Variants in MDGA2 observed in about 807,000 individuals in gnomAD.
The protein encoded by MDGA2 is MAM domain containing glycosylphosphatidylinositol anchor 2, also known as MAM domain-containing glycosylphosphatidylinositol anchor protein 2.
In MDGA2, 40 loss-of-function variants were observed where a neutral mutation model predicts 117.8. That is an observed-to-expected ratio of 0.34 (90% CI 0.26 to 0.44). The LOEUF is 0.44. MDGA2 is among the 20% of genes least tolerant of loss of function. The pLI is 1.00. For missense variants in MDGA2, 1,123 were observed against 1,250.6 expected, an observed-to-expected ratio of 0.90 and a Z score of 1.54; for synonymous variants, 452 against 439.0, an observed-to-expected ratio of 1.03 and a Z score of -0.37.
chr14:46,899,647 T>G (rs1307949999), intron 10 of MDGA2, among the ~76,000 whole-genome samples: 1 of 151,844 alleles, frequency 6.6e-6, no homozygotes, highest in East Asian at 1.9e-4. Context: ...TAATGTTAAA[T>G]TTTTAACCGA....
In MDGA2 at chr14:47,180,919, TCAAAA is replaced by T. The variant is rs1884676170; in HGVS notation, c.596-36650_596-36646del. Among the ~76,000 whole-genome samples the T allele has an allele frequency of 2.0e-5, 3 of 152,106 alleles. No individual in the cohort carries two copies. The South Asian group carries it at 6.2e-4, about 32-fold the overall frequency. ...TTGGGCGACAGAGCGAGACTTCCACTCAAAACAAACAAACAAAAAAATAAAACAAA... is the reference window on the plus strand; with the variant it reads ...TTGGGCGACAGAGCGAGACTTCCACTCAAACAAACAAAAAAATAAAACAAA... On this transcript the variant is annotated intron_variant, in intron 3 of 16. Coordinates refer to ENST00000399232, the MANE Select transcript of MDGA2 (RefSeq NM_001113498.3).
intron 5 of MDGA2, among the ~76,000 whole-genome samples, chr14:47,110,137 TTATC>T (rs1880955977): frequency 1.3e-5 from 2 of 150,154 alleles, no homozygotes; most frequent in Admixed American, 6.7e-5. Context: ...GGCAAAGCAT[TTATC>T]TATCAAAATG....
chr14:47,232,581 G>C (rs1886728003), intron 2 of MDGA2, among the ~76,000 whole-genome samples: 1 of 151,988 alleles, frequency 6.6e-6, no homozygotes, highest in African/African-American at 2.4e-5. Context: ...GGTTCACCTT[G>C]AAAGCCAGGC....
chr14:47,540,540 G>GTGTGTGTGTGTGTGTGTATATATATATA, intron 1 of MDGA2, among the ~76,000 whole-genome samples: 10 of 79,214 alleles, frequency 1.3e-4, no homozygotes, highest in Non-Finnish European at 1.7e-4. Flanking sequence ...GTGTGTGTGT[G>GTGTGTGTGTGTGTGTGTATATATATATA]TATATATATA....
At chr14:47,517,131 A>G (rs1196917125) in intron 1 of MDGA2, among the ~76,000 whole-genome samples, 1 of 152,190 alleles carries the variant, frequency 6.6e-6, no homozygotes, top group African/African-American at 2.4e-5. Flanking sequence ...GACTGAAAAT[A>G]CCAGTCAGAT....
chr14:47,158,483 C>CTTT (rs11390991), intron 3 of MDGA2, among the ~76,000 whole-genome samples: 1 of 141,074 alleles, frequency 7.1e-6, no homozygotes, highest in Non-Finnish European at 1.5e-5. Context: ...TTATAGCAGC[C>CTTT]TTTTTTTTTT....
intron 2 of MDGA2, among the ~76,000 whole-genome samples, chr14:47,263,532 T>C (rs1172698399): frequency 6.6e-6 from 1 of 152,168 alleles, no homozygotes; most frequent in East Asian, 1.9e-4. Context: ...ATTAAAAAAC[T>C]GTTATAGGGT....
Position 47,385,391 on chromosome 14 carries a change from AATTT to A in MDGA2, c.281-83845_281-83842del, listed in dbSNP as rs200538167. ...AATAATTGAAATATGTGATAAATAT[AATTT>A]ATTAAGAGCCATATTAGCTAGCATA... On this transcript the variant is annotated intron_variant, in intron 1 of 16. Coordinates refer to ENST00000399232, the MANE Select transcript of MDGA2 (RefSeq NM_001113498.3). Among the ~76,000 whole-genome samples, 482 of 152,170 alleles carry A rather than the reference AATTT, an allele frequency of 3.2e-3. 3 individuals are homozygous for A. The highest frequency in any genetic ancestry group is 0.011 in the African/African-American group (457 of 41,550).
rs558884019 is a variant in MDGA2, at chr14:47,046,921, T to C, written c.1526-11617A>G. ...ACAAATGCGTTATCCTTTAAATTAA[T>C]AGCAACTACTCTGGGAGTAACAAAA... On this transcript the variant is annotated intron_variant, in intron 7 of 16. Coordinates refer to ENST00000399232, the MANE Select transcript of MDGA2 (RefSeq NM_001113498.3). 5.9e-5 allele frequency among the ~76,000 whole-genome samples: 9 copies of C among 152,252 alleles called. No homozygotes were observed. In the East Asian group the frequency reaches 1.5e-3, roughly 26 times the overall value.
At chr14:47,009,572 T>G (rs1887825534) in intron 8 of MDGA2, among the ~76,000 whole-genome samples, 1 of 152,100 alleles carries the variant, frequency 6.6e-6, no homozygotes, top group African/African-American at 2.4e-5. Flanking sequence ...AAGGCAGATC[T>G]ATAGCAACTA....
chr14:46,912,894 T>C (rs768057987), intron 10 of MDGA2, among the ~76,000 whole-genome samples: 1 of 152,172 alleles, frequency 6.6e-6, no homozygotes, highest in Non-Finnish European at 1.5e-5. Context: ...ATATGCAATG[T>C]CCTTCATTTG....
chr14:47,108,935 T>C (rs561715127), intron 5 of MDGA2, among the ~76,000 whole-genome samples: 56 of 152,302 alleles, frequency 3.7e-4, no homozygotes, highest in African/African-American at 1.3e-3. Context: ...TTTATAAACA[T>C]TGACAAGGTA....
chr14:47,261,248 A>C (rs1402537934), intron 2 of MDGA2, among the ~76,000 whole-genome samples: 1 of 152,108 alleles, frequency 6.6e-6, no homozygotes, highest in African/African-American at 2.4e-5. Flanking sequence ...GATTTAAAAC[A>C]AAACAAAACA....
intron 6 of MDGA2, among the ~76,000 whole-genome samples, chr14:47,090,472 C>T (rs911292106): frequency 1.3e-5 from 2 of 151,936 alleles, no homozygotes; most frequent in African/African-American, 4.8e-5. Context: ...TTGCAGAGGC[C>T]ATGGGTTCAA....
intron 2 of MDGA2, among the ~76,000 whole-genome samples, chr14:47,282,989 G>T (rs72680277): frequency 1.3e-5 from 2 of 152,170 alleles, no homozygotes; most frequent in Non-Finnish European, 2.9e-5. Flanking sequence ...AAATGGAAAG[G>T]CAGTGAAAAT....
chr14:47,191,168 G>T (rs1337078363), intron 3 of MDGA2, among the ~76,000 whole-genome samples: 1 of 151,820 alleles, frequency 6.6e-6, no homozygotes, highest in Non-Finnish European at 1.5e-5. Flanking sequence ...ACACAAGTAT[G>T]TGTCTATTTT....
intron 15 of MDGA2, 79 bp from the exon 16 acceptor site, chr14:46,845,950 A>G: frequency 2.9e-6 from 3 of 1,031,792 alleles, no homozygotes; most frequent in Admixed American, 4.0e-5. Context: ...CAAGGTGACA[A>G]AAATAAACTT....
At chr14:47,171,959 C>T (rs773676221) in intron 3 of MDGA2, among the ~76,000 whole-genome samples, 22 of 152,260 alleles carry the variant, frequency 1.4e-4, no homozygotes, top group Non-Finnish European at 2.8e-4. Flanking sequence ...TGCGCTTTTC[C>T]GACGGGCTTA....
At chr14:47,171,897 G>A (rs1223163334) in intron 3 of MDGA2, among the ~76,000 whole-genome samples, 1 of 152,208 alleles carries the variant, frequency 6.6e-6, no homozygotes, top group Non-Finnish European at 1.5e-5. Flanking sequence ...CTTAGTGAAA[G>A]AAAGGGGTGA....
Sources: gnomAD v4.1 joint callset for allele counts (sites outside exome capture counted in the v4.1 genomes callset) on GRCh38, gnomAD v4.1.1 for gene constraint, MANE v1.5 for transcripts, NCBI Gene and HGNC (gene_info 2026-07-23, HGNC 2026-07-21) for gene names.